PAK3: variants seen among roughly 807,000 people sequenced by gnomAD.
PAK3 encodes the protein serine/threonine-protein kinase PAK 3.
A neutral mutation model predicts 41.0 loss-of-function variants in PAK3; 4 were observed. The ratio of observed to expected loss-of-function variants is 0.10; its 90% confidence interval spans 0.05 to 0.22. The LOEUF is 0.22. Ranked by LOEUF, PAK3 falls within the 10% of genes least tolerant of loss-of-function variation. The pLI is 1.00. For synonymous variants in PAK3, 146 were observed against 139.6 expected, an observed-to-expected ratio of 1.05 and a Z score of -0.32; for missense variants, 205 against 409.9, an observed-to-expected ratio of 0.50 and a Z score of 4.32.
intron 1 of PAK3, among the ~76,000 whole-genome samples, chrX:110,949,194 C>T (rs773709330): frequency 9.0e-6 from 1 of 111,517 alleles, no homozygotes; most frequent in South Asian, 3.8e-4. Context: ...ATGTCCAGTT[C>T]TGAGCAGTGT....
At chrX:110,960,774 C>T (rs1423909154) in intron 1 of PAK3, among the ~76,000 whole-genome samples, 1 of 111,482 alleles carries the variant, frequency 9.0e-6, no homozygotes, top group Non-Finnish European at 1.9e-5. Context: ...GGATTTTGTC[C>T]CCAAACTGTT....
At chrX:111,059,333 TA>T (rs1243421838) in intron 1 of PAK3, among the ~76,000 whole-genome samples, 4 of 110,471 alleles carry the variant, frequency 3.6e-5, no homozygotes, top group Admixed American at 9.6e-5. Flanking sequence ...TAATTATTAT[TA>T]TTTTTTTGTA....
intron 1 of PAK3, among the ~76,000 whole-genome samples, chrX:111,084,710 TAA>T (rs1222693036): frequency 8.9e-6 from 1 of 112,448 alleles, no homozygotes; most frequent in Non-Finnish European, 1.9e-5. Context: ...GGGAAGTTTT[TAA>T]CTACATTGTC....
chrX:111,109,701 C>T (rs937881875), intron 4 of PAK3, among the ~76,000 whole-genome samples: 5 of 111,627 alleles, frequency 4.5e-5, no homozygotes, highest in African/African-American at 6.5e-5. Flanking sequence ...GTTCTCTTAC[C>T]ATAGGCATTC....
chrX:110,997,764 A>G (rs2091766296), intron 1 of PAK3, among the ~76,000 whole-genome samples: 1 of 111,318 alleles, frequency 9.0e-6, no homozygotes, highest in Non-Finnish European at 1.9e-5. Context: ...CCCCAAAGTG[A>G]TAGTATTAGG....
chrX:110,956,450 T>C (rs901397862), intron 1 of PAK3, among the ~76,000 whole-genome samples: 2 of 111,266 alleles, frequency 1.8e-5, no homozygotes, highest in Non-Finnish European at 3.8e-5. Flanking sequence ...CCAGAAAATA[T>C]TTCTGGTGCC....
At chrX:111,108,172 G>A (rs1284530407) in intron 4 of PAK3, among the ~76,000 whole-genome samples, 2 of 111,979 alleles carry the variant, frequency 1.8e-5, no homozygotes, top group Non-Finnish European at 3.8e-5. Flanking sequence ...AGTAGTTGGG[G>A]ACAGCAGTCA....
chrX:111,101,020 A>G lies in PAK3; in HGVS notation c.-175-2139A>G, dbSNP rs144534224. On this transcript the variant is annotated intron_variant, in intron 3 of 17. Coordinates refer to ENST00000372007, the MANE Select transcript of PAK3 (RefSeq NM_002578.5). ...TACGAATTAGACACATTGCACATAC[A>G]CAAAGGATGGAAGAGATGCAATTCA... Among the ~76,000 whole-genome samples, 71 of 112,285 alleles carry G rather than the reference A, an allele frequency of 6.3e-4. No homozygotes were observed. The East Asian group carries it at 0.02, about 31-fold the overall frequency.
At chrX:111,190,863 C>A (rs1210901463) in intron 11 of PAK3, among the ~76,000 whole-genome samples, 1 of 112,394 alleles carries the variant, frequency 8.9e-6, no homozygotes, top group East Asian at 2.8e-4. Context: ...TAGTCAATCA[C>A]AGGACTGATC....
chrX:111,018,091 A>G (rs2092118219), intron 1 of PAK3, among the ~76,000 whole-genome samples: 1 of 111,305 alleles, frequency 9.0e-6, no homozygotes, highest in Non-Finnish European at 1.9e-5. Flanking sequence ...AACTACCTCA[A>G]CATAATAAGG....
At chrX:110,983,916 G>A (rs960495068) in intron 1 of PAK3, among the ~76,000 whole-genome samples, 25 of 111,843 alleles carry the variant, frequency 2.2e-4, no homozygotes, top group African/African-American at 8.1e-4. Context: ...AGTTCTTCTT[G>A]TTCCCTTACA....
intron 5 of PAK3, among the ~76,000 whole-genome samples, chrX:111,131,727 G>A (rs2093721248): frequency 8.9e-6 from 1 of 111,938 alleles, no homozygotes; most frequent in East Asian, 2.8e-4. Context: ...CCCCAAACAG[G>A]ATGTTTGTTT....
At chrX:111,190,416 G>T (rs1200727954) in intron 11 of PAK3, among the ~76,000 whole-genome samples, 3 of 111,354 alleles carry the variant, frequency 2.7e-5, no homozygotes, top group African/African-American at 6.5e-5. Context: ...ATATGGTAAG[G>T]ATTACATAAG....
At chrX:111,022,423 C>A (rs1390103407) in intron 1 of PAK3, among the ~76,000 whole-genome samples, 1 of 111,597 alleles carries the variant, frequency 9.0e-6, no homozygotes, top group African/African-American at 3.3e-5. Context: ...GTATCCAGAG[C>A]AACTAAGCTT....
chrX:110,994,424 A>G (rs1230352203), intron 1 of PAK3, among the ~76,000 whole-genome samples: 1 of 111,277 alleles, frequency 9.0e-6, no homozygotes, highest in Non-Finnish European at 1.9e-5. Context: ...CTTGAGGGAC[A>G]GACAGTCTTG....
At chrX:111,168,114 T>C (rs1262425431) in intron 10 of PAK3, among the ~76,000 whole-genome samples, 1 of 111,751 alleles carries the variant, frequency 8.9e-6, no homozygotes, top group Admixed American at 9.5e-5. Flanking sequence ...AAAATCTTCA[T>C]TATGCTAAAA....
chrX:111,066,290 G>T (rs2092701106), intron 1 of PAK3, among the ~76,000 whole-genome samples: 1 of 111,655 alleles, frequency 9.0e-6, no homozygotes, highest in Admixed American at 9.5e-5. Context: ...TTTGATTTCT[G>T]CCTTAATTTC....
At chrX:111,197,739 G>A (rs2094632410) in intron 16 of PAK3, among the ~76,000 whole-genome samples, 1 of 110,722 alleles carries the variant, frequency 9.0e-6, no homozygotes, top group Admixed American at 9.6e-5. Flanking sequence ...TGCCCAGGCT[G>A]GAGTGCAATG....
chrX:111,152,346 G>A lies in PAK3; in HGVS notation c.431-64G>A, dbSNP rs1302370248. 5 of 734,777 alleles carry A rather than the reference G, an allele frequency of 6.8e-6. No individual in the cohort carries two copies. The African/African-American group carries it at 8.5e-5, about 13-fold the overall frequency. 60.6% of individuals were successfully genotyped at this position (734,777 alleles called of 1,213,427 possible). ...CAGTTTTTTAATTTTTATTTTTCTG[G>A]TGTGGTCTCTGAATGAAACATTCTT... On this transcript the variant is annotated intron_variant, in intron 7 of 17. Coordinates refer to ENST00000372007, the MANE Select transcript of PAK3 (RefSeq NM_002578.5).
Sources: allele counts gnomAD v4.1 joint callset (sites outside exome capture counted in the v4.1 genomes callset), GRCh38; gene constraint gnomAD v4.1.1; transcripts MANE v1.5; gene names NCBI Gene and HGNC (gene_info 2026-07-23, HGNC 2026-07-21).